CEP57: variants seen among roughly 807,000 people sequenced by gnomAD.
CEP57 encodes centrosomal protein of 57 kDa.
In CEP57, 40 loss-of-function variants were observed where a neutral mutation model predicts 68.0. The ratio of observed to expected loss-of-function variants is 0.59; its 90% CI spans 0.46 to 0.77. CEP57 has a LOEUF of 0.77. CEP57 is among the 30% of genes least tolerant of loss of function. The pLI, the probability that CEP57 is intolerant of heterozygous loss-of-function variation, is 0.00. For missense variants in CEP57, 606 were observed against 580.7 expected (o/e 1.04, Z -0.45); for synonymous variants, 219 against 198.7 (o/e 1.10, Z -0.86).
At chr11:95,794,378 T>G in intron 1 of CEP57, 1 of 454,004 alleles carries the variant, frequency 2.2e-6, no homozygotes, top group South Asian at 1.6e-5. Context: ...GTCTTCAGCT[T>G]TACTCGGTCA....
In CEP57 at chr11:95,831,337, TACTC is replaced by T; in HGVS notation, c.*85_*88del. On this transcript the variant is annotated 3_prime_UTR_variant, in exon 11 of 11. Transcript: ENST00000325542. Reference sequence around the variant, plus strand: ...ATGACAATTTACTTCCCAGGTCTCATACTCACTTATGTTGGAATTAATTAATAGC... The same window carrying T: ...ATGACAATTTACTTCCCAGGTCTCATACTTATGTTGGAATTAATTAATAGC... The T allele has an allele frequency of 1.0e-6, 1 of 996,186 alleles. No homozygotes were observed. The highest frequency in any genetic ancestry group is 1.6e-6 in the Non-Finnish European group (1 of 640,058). The allele number at this position is 996,186 out of a possible 1,614,324, so 61.7% of individuals were successfully genotyped here. A position where few individuals can be genotyped will look rare whatever the true frequency, so the allele number is the denominator to read the frequency against.
chr11:95,806,355 G>C (rs1006415158), intron 2 of CEP57, among the ~76,000 whole-genome samples: 4 of 152,190 alleles, frequency 2.6e-5, no homozygotes, highest in Admixed American at 1.3e-4. Flanking sequence ...GAGATACCGG[G>C]TTCATCTCAC....
intron 2 of CEP57, among the ~76,000 whole-genome samples, chr11:95,811,360 CAT>C (rs1862052507): frequency 7.1e-6 from 1 of 140,808 alleles, no homozygotes; most frequent in Non-Finnish European, 1.5e-5. Flanking sequence ...TGTTCTCACT[CAT>C]AGGTGGGAAT....
chr11:95,827,694 G>C lies in CEP57; in HGVS notation c.886-92G>C, dbSNP rs551067838. The C allele has an allele frequency of 2.6e-5, 37 of 1,431,344 alleles. No individual in the cohort carries two copies. The Admixed American group carries it at 6.2e-4, about 24-fold the overall frequency. The allele number at this position is 1,431,344 out of a possible 1,614,324, so 88.7% of individuals were successfully genotyped here. ...GGATTTATATACTCTACTTTAGGGG[G>C]TGGAGAGTTCTTTTTACCTAGGCTT... On this transcript the variant is annotated intron_variant, in intron 8 of 10. Transcript: ENST00000325542.
intron 7 of CEP57, 31 bp downstream of exon 7, chr11:95,822,009 G>A (rs756320195): frequency 1.4e-6 from 2 of 1,419,020 alleles, no homozygotes; most frequent in Admixed American, 3.4e-5. Context: ...CAGGCAAAAT[G>A]CTGATTACTT....
Position 95,790,620 on chromosome 11 carries a change from G to A in CEP57, c.-79G>A. On this transcript the variant is annotated 5_prime_UTR_variant, in exon 1 of 11. Coordinates refer to ENST00000325542, the MANE Select transcript of CEP57 (RefSeq NM_014679.5). Reference sequence around the variant, plus strand: ...TTCAGCCTAGGGTCCCCGCTGGTGGGCGGCTCCCGAGTCTTGGAGAAGAGC... The same window carrying A: ...TTCAGCCTAGGGTCCCCGCTGGTGGACGGCTCCCGAGTCTTGGAGAAGAGC... 1.9e-6 allele frequency: 3 copies of A among 1,549,580 alleles called. No homozygotes were observed. Among genetic ancestry groups the A allele is most frequent in the Non-Finnish European group, 2.6e-6 (3 of 1,135,792 alleles).
intron 2 of CEP57, among the ~76,000 whole-genome samples, chr11:95,810,586 T>A (rs1862014122): frequency 6.6e-6 from 1 of 152,124 alleles, no homozygotes; most frequent in Non-Finnish European, 1.5e-5. Flanking sequence ...ATGAGTGAAC[T>A]CTCATTCACA....
chr11:95,822,802 A>C (rs1047542469), intron 8 of CEP57: 7 of 526,772 alleles, frequency 1.3e-5, no homozygotes, highest in Middle Eastern at 9.4e-4. Flanking sequence ...TGTGGAAAGG[A>C]AGTGATAAAA....
chr11:95,831,986 G>T lies in CEP57; in HGVS notation c.*730G>T, dbSNP rs897102093. 1.3e-5 allele frequency: 2 copies of T among 152,092 alleles called. No individual in the cohort carries two copies. The highest frequency in any genetic ancestry group is 6.6e-5 in the Admixed American group (1 of 15,252). 9.4% of individuals were successfully genotyped at this position (152,092 alleles called of 1,614,324 possible). A position where few individuals can be genotyped will look rare whatever the true frequency, so the allele number is the denominator to read the frequency against. ...GTGAGAATGGGAGAAGGGATATGTTGTGAGCATATACCTTCACAGTTCTTA... is the reference window on the plus strand; with the variant it reads ...GTGAGAATGGGAGAAGGGATATGTTTTGAGCATATACCTTCACAGTTCTTA... On this transcript the variant is annotated 3_prime_UTR_variant, in exon 11 of 11. Coordinates refer to ENST00000325542, the MANE Select transcript of CEP57 (RefSeq NM_014679.5).
intron 2 of CEP57, among the ~76,000 whole-genome samples, chr11:95,811,721 C>G (rs922137242): frequency 6.6e-6 from 1 of 151,878 alleles, no homozygotes; most frequent in African/African-American, 2.4e-5. Context: ...AAAGGAAATT[C>G]ATGAAAGGGA....
intron 4 of CEP57, among the ~76,000 whole-genome samples, chr11:95,814,060 A>G (rs1275071873): frequency 7.8e-6 from 1 of 127,834 alleles, no homozygotes; most frequent in Non-Finnish European, 1.9e-5. Flanking sequence ...TGATTGATCA[A>G]TTGATTGGAT....
chr11:95,800,714 C>CT (rs1861541128), intron 2 of CEP57, among the ~76,000 whole-genome samples: 1 of 152,144 alleles, frequency 6.6e-6, no homozygotes, highest in Non-Finnish European at 1.5e-5. Flanking sequence ...TCAAATCTCT[C>CT]TGAGTTCTGT....
intron 1 of CEP57, among the ~76,000 whole-genome samples, chr11:95,794,663 T>C (rs1443893792): frequency 2.6e-5 from 4 of 152,200 alleles, no homozygotes; most frequent in Admixed American, 2.6e-4. Context: ...TTGGCTGGTC[T>C]TTGATATCTT....
At position 95,822,604 on chromosome 11, in the gene CEP57, T is replaced by C. The variant is rs758928678; in HGVS notation, c.885+28T>C. The C allele has an allele frequency of 3.2e-6, 5 of 1,548,918 alleles. No individual in the cohort carries two copies. The East Asian group carries it at 1.1e-4, about 35-fold the overall frequency. On this transcript the variant is annotated intron_variant, in intron 8 of 10. Transcript: ENST00000325542. ...GAGTTGGTCAAACTCCGGATTCTTT[T>C]TATACAACATTGATCCCTGAATTAA...
chr11:95,795,707 T>C (rs1861312904), intron 1 of CEP57: 1 of 437,548 alleles, frequency 2.3e-6, no homozygotes, highest in East Asian at 3.5e-5. Flanking sequence ...TTGAATTTTA[T>C]TGAATGCTTT....
At chr11:95,794,241 T>A in intron 1 of CEP57, 1 of 455,834 alleles carries the variant, frequency 2.2e-6, no homozygotes, top group Non-Finnish European at 4.4e-6. Flanking sequence ...GGGCTCTGGA[T>A]TACAGCTCAG....
In CEP57 at chr11:95,813,022, C is replaced by T. The variant is rs771847891; in HGVS notation, c.293C>T (p.Ser98Phe). The change falls in exon 3 of 11, where the codon TCT becomes TTT. Residue 98 changes from serine to phenylalanine, a missense_variant. Transcript: ENST00000325542. ...IQAEESVKTL[S>F]RETIEYKKVL... ...GCAGAAGAAAGTGTGAAAACCTTGT[C>T]TAGAGAAACAATTGAATATAAGAAA... 1.2e-6 allele frequency: 2 copies of T among 1,613,568 alleles called. No homozygotes were observed. Among genetic ancestry groups the T allele is most frequent in the African/African-American group, 2.7e-5 (2 of 74,842 alleles).
At chr11:95,796,210 A>G (rs1861344172) in intron 1 of CEP57, among the ~76,000 whole-genome samples, 1 of 152,236 alleles carries the variant, frequency 6.6e-6, no homozygotes, top group Non-Finnish European at 1.5e-5. Context: ...TGTCATAAAA[A>G]GATGTTCAAT....
chr11:95,831,428 T>G lies in CEP57; in HGVS notation c.*172T>G, dbSNP rs1863002922. The G allele has an allele frequency of 1.8e-6, 1 of 559,184 alleles. No individual in the cohort carries two copies. The highest frequency in any genetic ancestry group is 1.9e-5 in the African/African-American group (1 of 52,612). 34.6% of individuals were successfully genotyped at this position (559,184 alleles called of 1,614,324 possible). A position where few individuals can be genotyped will look rare whatever the true frequency, so the allele number is the denominator to read the frequency against. ...TTCATGTATGCAGGATGACTCAATGTTAAAGCATTTAAATGGAAACCAGGG... is the reference window on the plus strand; with the variant it reads ...TTCATGTATGCAGGATGACTCAATGGTAAAGCATTTAAATGGAAACCAGGG... On this transcript the variant is annotated 3_prime_UTR_variant, in exon 11 of 11. Coordinates refer to ENST00000325542, the MANE Select transcript of CEP57 (RefSeq NM_014679.5).
Sources: allele counts gnomAD v4.1 joint callset (sites outside exome capture counted in the v4.1 genomes callset), GRCh38; gene constraint gnomAD v4.1.1; transcripts MANE v1.5; gene names NCBI Gene and HGNC (gene_info 2026-07-23, HGNC 2026-07-21).